The following SREBF2 variants were observed in gnomAD, a reference collection of about 807,000 sequenced individuals.
The protein encoded by SREBF2 is sterol regulatory element binding transcription factor 2, also known as sterol regulatory element-binding protein 2.
A neutral mutation model predicts 113.1 loss-of-function variants in SREBF2; 55 were observed. That is an observed-to-expected ratio of 0.49 (90% CI 0.39 to 0.61). The LOEUF is 0.61. Among genes scored for constraint, SREBF2 ranks in the 20% least tolerant of loss-of-function variants. The probability of loss-of-function intolerance (pLI) is 0.00; values close to 1 mark genes in which losing one functional copy is unlikely to be tolerated. For synonymous variants in SREBF2, 593 were observed against 605.7 expected (o/e 0.98, Z 0.31); for missense variants, 1,349 against 1,487.4 (o/e 0.91, Z 1.53).
intron 16 of SREBF2, chr22:41,901,122 T>A (rs2077462407): frequency 2.6e-6 from 1 of 378,332 alleles, no homozygotes; most frequent in Non-Finnish European, 5.3e-6. Flanking sequence ...GTCACAGCCA[T>A]CCCAGGAAAC....
chr22:41,853,959 C>T (rs964954757), intron 1 of SREBF2, among the ~76,000 whole-genome samples: 5 of 149,242 alleles, frequency 3.4e-5, no homozygotes, highest in African/African-American at 7.4e-5. Context: ...GGCGTGAACC[C>T]GGGAGGCGGA....
At position 41,833,541 on chromosome 22, in the gene SREBF2, T is replaced by A. The variant is rs1334851507; in HGVS notation, c.88+183T>A. 1.0e-5 allele frequency: 5 copies of A among 484,088 alleles called. No homozygotes were observed. Among genetic ancestry groups the A allele is most frequent in the Non-Finnish European group, 1.4e-5 (4 of 284,274 alleles). 30.0% of individuals were successfully genotyped at this position (484,088 alleles called of 1,614,324 possible). On this transcript the variant is annotated intron_variant, in intron 1 of 18. Transcript: ENST00000361204. This position sits in a 1 kb window ranked among gnomAD's most constrained non-coding sequence, Gnocchi z 4.1. ...GCTGCGAGCGTGAGCCCGACCCAGC[T>A]GCGCCGCTCCGGGAGGCCGTGGGAT...
Position 41,906,142 on chromosome 22 carries a change from C to A in SREBF2, c.*482C>A. The A allele has an allele frequency of 2.6e-6, 1 of 383,540 alleles. No individual in the cohort carries two copies. Among genetic ancestry groups the A allele is most frequent in the Non-Finnish European group, 5.2e-6 (1 of 192,374 alleles). 23.8% of individuals were successfully genotyped at this position (383,540 alleles called of 1,614,324 possible). A position where few individuals can be genotyped will look rare whatever the true frequency, so the allele number is the denominator to read the frequency against. On this transcript the variant is annotated 3_prime_UTR_variant, in exon 19 of 19. Coordinates refer to ENST00000361204, the MANE Select transcript of SREBF2 (RefSeq NM_004599.4). ...CAGTGTGCTTGGGTTTGCCATGATG[C>A]GAGGCTGAGTTGCTGTAGCGTCTTG...
chr22:41,849,343 C>T (rs948719901), intron 1 of SREBF2, among the ~76,000 whole-genome samples: 6 of 152,250 alleles, frequency 3.9e-5, no homozygotes, highest in Middle Eastern at 3.4e-3. Flanking sequence ...AGGTGCTTGC[C>T]GCCACGCCCG....
At position 41,907,177 on chromosome 22, in the gene SREBF2, CTAT is replaced by C. The variant is rs1406199278; in HGVS notation, c.*1519_*1521del. 1.3e-5 allele frequency: 2 copies of C among 152,266 alleles called. No homozygotes were observed. Among genetic ancestry groups the C allele is most frequent in the African/African-American group, 4.8e-5 (2 of 41,418 alleles). 9.4% of individuals were successfully genotyped at this position (152,266 alleles called of 1,614,324 possible). On this transcript the variant is annotated 3_prime_UTR_variant, in exon 19 of 19. Transcript: ENST00000361204. ...TGTGTATGTCCTGTGCCTTTTCTCA[CTAT>C]TGTTTGGGTGTGGGAGGGGGTGGTT...
At position 41,905,030 on chromosome 22, in the gene SREBF2, A is replaced by G. The variant is rs554172975; in HGVS notation, c.3205+56A>G. The G allele has an allele frequency of 1.1e-5, 16 of 1,456,154 alleles. No individual in the cohort carries two copies. The South Asian group carries it at 1.6e-4, about 14-fold the overall frequency. 90.2% of individuals were successfully genotyped at this position (1,456,154 alleles called of 1,614,324 possible). On this transcript the variant is annotated intron_variant, in intron 18 of 18. Transcript: ENST00000361204. ...GGGCCAGGCCCTGCGCCCTAGGAAG[A>G]GAGGAGAAGAGGGGCCAGCCCAGCT...
At chr22:41,893,981 G>T (rs2077388266) in intron 12 of SREBF2, among the ~76,000 whole-genome samples, 1 of 152,134 alleles carries the variant, frequency 6.6e-6, no homozygotes, top group South Asian at 2.1e-4. Context: ...TCACACATTG[G>T]GGGAGTTCAC....
intron 1 of SREBF2, among the ~76,000 whole-genome samples, chr22:41,842,905 G>A (rs112742696): frequency 0.012 from 1,771 of 152,042 alleles, 37 homozygotes; most frequent in African/African-American, 0.041. Flanking sequence ...CAGGAGAATC[G>A]CTTGAATCCA....
At chr22:41,838,463 T>C (rs2076798567) in intron 1 of SREBF2, among the ~76,000 whole-genome samples, 2 of 150,200 alleles carry the variant, frequency 1.3e-5, no homozygotes, top group Non-Finnish European at 3.0e-5. Flanking sequence ...CTGGGCTCAG[T>C]GGCTCATGCC....
At chr22:41,900,096 G>A in intron 15 of SREBF2, 1 of 1,434,244 alleles carries the variant, frequency 7.0e-7, no homozygotes, top group Non-Finnish European at 9.2e-7. Context: ...TGAAGCCTGT[G>A]TCTCTGACTT....
intron 1 of SREBF2, among the ~76,000 whole-genome samples, chr22:41,835,404 G>A (rs1017164215): frequency 4.7e-5 from 7 of 148,644 alleles, no homozygotes; most frequent in African/African-American, 1.0e-4. Flanking sequence ...TCCACCTCCC[G>A]AGTTCAGGCG....
At chr22:41,856,289 CT>C (rs2076977275) in intron 1 of SREBF2, among the ~76,000 whole-genome samples, 1 of 152,020 alleles carries the variant, frequency 6.6e-6, no homozygotes, top group South Asian at 2.1e-4. Flanking sequence ...ACCATGCCCC[CT>C]GCTAAAGTTT....
rs183720898 is a variant in SREBF2, at chr22:41,858,708, C to T, written c.89-8123C>T. Among the ~76,000 whole-genome samples the T allele has an allele frequency of 3.9e-5, 6 of 152,264 alleles. No individual in the cohort carries two copies. The East Asian group carries it at 1.2e-3, about 29-fold the overall frequency. ...GCCACAGTGAGCTATGATCACATCA[C>T]TGCACTCCAGCCTGGGTGACAGAGT... On this transcript the variant is annotated intron_variant, in intron 1 of 18. Coordinates refer to ENST00000361204, the MANE Select transcript of SREBF2 (RefSeq NM_004599.4).
chr22:41,878,462 C>T (rs1187811105), intron 9 of SREBF2, among the ~76,000 whole-genome samples: 1 of 152,102 alleles, frequency 6.6e-6, no homozygotes, highest in Non-Finnish European at 1.5e-5. Context: ...TGTTTGGAGA[C>T]TGGCAGGTTC....
At chr22:41,877,461 C>G (rs377307273) in intron 8 of SREBF2, 40 bp downstream of exon 8, 1 of 1,606,454 alleles carries the variant, frequency 6.2e-7, no homozygotes, top group Non-Finnish European at 8.5e-7. Flanking sequence ...CATGGCTGGA[C>G]CACTATGGCA....
chr22:41,894,786 TC>T, intron 12 of SREBF2, 33 bp from the exon 13 acceptor site: 1 of 1,576,574 alleles, frequency 6.3e-7, no homozygotes, highest in Non-Finnish European at 8.7e-7. Context: ...ATAAATGAGC[TC>T]CATTTAACCC....
chr22:41,889,740 C>T (rs1016550168), intron 11 of SREBF2, among the ~76,000 whole-genome samples: 1 of 151,320 alleles, frequency 6.6e-6, no homozygotes, highest in African/African-American at 2.4e-5. Flanking sequence ...GTGGCTCATA[C>T]CTGTAATCCC....
intron 1 of SREBF2, among the ~76,000 whole-genome samples, chr22:41,862,545 G>A (rs770615022): frequency 1.3e-5 from 2 of 152,102 alleles, no homozygotes; most frequent in Non-Finnish European, 2.9e-5. Flanking sequence ...GCCTTCTCCC[G>A]GGCCTCCCTT....
chr22:41,903,724 A>G (rs1473899663), intron 17 of SREBF2, among the ~76,000 whole-genome samples: 1 of 151,936 alleles, frequency 6.6e-6, no homozygotes, highest in Non-Finnish European at 1.5e-5. Flanking sequence ...ATTTTTTTCT[A>G]AAAATTTGAG....
Sources: allele counts gnomAD v4.1 joint callset (sites outside exome capture counted in the v4.1 genomes callset), GRCh38; gene constraint gnomAD v4.1.1; non-coding constraint Gnocchi (gnomAD v3.1); transcripts MANE v1.5; gene names NCBI Gene and HGNC (gene_info 2026-07-23, HGNC 2026-07-21).